Variants in FSTL5 observed in about 807,000 individuals in gnomAD.
The protein encoded by FSTL5 is follistatin-related protein 5.
Under a neutral mutation model 89.1 loss-of-function variants are expected in FSTL5, and 62 were observed. The observed-to-expected ratio is 0.70, with a 90% confidence interval of 0.57 to 0.86. FSTL5 has a LOEUF of 0.86. FSTL5 is among the 40% of genes least tolerant of loss of function. FSTL5 has a pLI of 0.00. For missense variants in FSTL5, 1,057 were observed against 1,001.6 expected, an observed-to-expected ratio of 1.06 and a Z score of -0.75; for synonymous variants, 383 against 346.2, an observed-to-expected ratio of 1.11 and a Z score of -1.18.
intron 6 of FSTL5, among the ~76,000 whole-genome samples, chr4:161,757,061 T>G (rs1740595250): frequency 6.6e-6 from 1 of 152,158 alleles, no homozygotes; most frequent in Non-Finnish European, 1.5e-5. Flanking sequence ...TACATTTTCA[T>G]AAAATTTCAG....
At chr4:161,813,282 G>A (rs1214851769) in intron 4 of FSTL5, among the ~76,000 whole-genome samples, 1 of 152,014 alleles carries the variant, frequency 6.6e-6, no homozygotes, top group Non-Finnish European at 1.5e-5. Flanking sequence ...GCCCGCCTTG[G>A]CCTCCCAAAG....
At chr4:162,125,883 G>A (rs1028385311) in intron 1 of FSTL5, among the ~76,000 whole-genome samples, 2 of 151,878 alleles carry the variant, frequency 1.3e-5, no homozygotes, top group Non-Finnish European at 2.9e-5. Flanking sequence ...GCCTGTGTGT[G>A]TTTACTGTTG....
At chr4:161,761,806 A>G (rs6813555) in intron 5 of FSTL5, among the ~76,000 whole-genome samples, 38,370 of 152,162 alleles carry the variant, frequency 0.25, 8,274 homozygotes, top group African/African-American at 0.59. Flanking sequence ...ATACTGAAGC[A>G]TATCCATGCA....
At chr4:162,144,572 G>T (rs567094141) in intron 1 of FSTL5, among the ~76,000 whole-genome samples, 199 of 152,230 alleles carry the variant, frequency 1.3e-3, no homozygotes, top group African/African-American at 4.6e-3. Context: ...TGTCAGGTCT[G>T]CATGATGACA....
intron 10 of FSTL5, among the ~76,000 whole-genome samples, chr4:161,531,662 A>G: frequency 6.6e-6 from 1 of 152,308 alleles, no homozygotes; most frequent in Non-Finnish European, 1.5e-5. Context: ...ATTTATTTAA[A>G]GTATCTTAAT....
intron 10 of FSTL5, among the ~76,000 whole-genome samples, chr4:161,518,919 T>C (rs1030924252): frequency 1.3e-5 from 2 of 152,190 alleles, no homozygotes; most frequent in Admixed American, 6.5e-5. Flanking sequence ...GAAGATCCAC[T>C]TCTTAAGGTG....
chr4:161,949,768 GT>G lies in FSTL5; in HGVS notation c.161-29117del, dbSNP rs34691219. ...TGTTTCTGATAAGTCCAAGCTAAAA[GT>G]TTTTTTTTTTAAATTAACATTTACA... On this transcript the variant is annotated intron_variant, in intron 3 of 15. Transcript: ENST00000306100. 2.9e-3 allele frequency among the ~76,000 whole-genome samples: 425 copies of G among 146,360 alleles called. 1 individual carries two copies. Among genetic ancestry groups the G allele is most frequent in the African/African-American group, 9.7e-3 (389 of 40,154 alleles).
At chr4:161,693,636 C>T (rs373113930) in intron 6 of FSTL5, among the ~76,000 whole-genome samples, 33 of 105,304 alleles carry the variant, frequency 3.1e-4, no homozygotes, top group East Asian at 6.1e-4. Flanking sequence ...TCTTGTAAAT[C>T]TTTTTTTTTT....
chr4:162,026,304 C>CTTTTTTTTTTTTTTTTTTTTTT lies in FSTL5; in HGVS notation c.160+7320_160+7321insAAAAAAAAAAAAAAAAAAAAAA, dbSNP rs397996028. On this transcript the variant is annotated intron_variant, in intron 3 of 15. Coordinates refer to ENST00000306100, the MANE Select transcript of FSTL5 (RefSeq NM_020116.5). ...TTTCAGGAGACAGCTTATGTATTTT[C>CTTTTTTTTTTTTTTTTTTTTTT]TTTTTTTTTTTTTTTCTTTTTGAGA... Among the ~76,000 whole-genome samples, 88 of 79,476 alleles carry CTTTTTTTTTTTTTTTTTTTTTT rather than the reference C, an allele frequency of 1.1e-3. 8 individuals are homozygous for CTTTTTTTTTTTTTTTTTTTTTT. Among genetic ancestry groups the CTTTTTTTTTTTTTTTTTTTTTT allele is most frequent in the Middle Eastern group, 0.015 (1 of 68 alleles). 52.1% of individuals were successfully genotyped at this position (79,476 alleles called of 152,430 possible). A position where few individuals can be genotyped will look rare whatever the true frequency, so the allele number is the denominator to read the frequency against.
At chr4:161,749,885 G>A (rs1740336220) in intron 6 of FSTL5, among the ~76,000 whole-genome samples, 1 of 151,858 alleles carries the variant, frequency 6.6e-6, no homozygotes, top group Non-Finnish European at 1.5e-5. Context: ...GGGAGTGAGA[G>A]TTGAAAAATT....
chr4:161,497,549 G>A (rs191618122), intron 12 of FSTL5, among the ~76,000 whole-genome samples: 2 of 152,084 alleles, frequency 1.3e-5, no homozygotes, highest in Admixed American at 1.3e-4. Flanking sequence ...TCTTAAAAAT[G>A]CAACAGGCTT....
chr4:161,567,839 C>T (rs1157656518), intron 8 of FSTL5, among the ~76,000 whole-genome samples: 1 of 152,040 alleles, frequency 6.6e-6, no homozygotes, highest in Non-Finnish European at 1.5e-5. Context: ...CTGTTTCTCC[C>T]TTCAACCCTT....
chr4:161,988,634 A>C (rs1452418023), intron 3 of FSTL5, among the ~76,000 whole-genome samples: 2 of 152,144 alleles, frequency 1.3e-5, no homozygotes, highest in African/African-American at 4.8e-5. Context: ...TATGATAAAA[A>C]TTGAAAATGT....
chr4:162,104,318 A>G (rs766505839), intron 2 of FSTL5, among the ~76,000 whole-genome samples: 28 of 152,112 alleles, frequency 1.8e-4, no homozygotes, highest in Non-Finnish European at 3.5e-4. Flanking sequence ...AACACTCACC[A>G]CATGGCCCAA....
chr4:161,862,549 A>G (rs1212699927), intron 4 of FSTL5, among the ~76,000 whole-genome samples: 1 of 152,082 alleles, frequency 6.6e-6, no homozygotes, highest in African/African-American at 2.4e-5. Flanking sequence ...CCCAGACAAC[A>G]TGGTGAAACC....
Position 161,731,598 on chromosome 4 carries a change from G to T in FSTL5, c.727+27813C>A, listed in dbSNP as rs111652912. Among the ~76,000 whole-genome samples, 226 of 152,044 alleles carry T rather than the reference G, an allele frequency of 1.5e-3. 1 individual carries two copies. The highest frequency in any genetic ancestry group is 4.2e-3 in the African/African-American group (175 of 41,466). ...TGCTTCCTGTACAGCCTGCAGAACC[G>T]TAAGTCAATTAAAACCTCTTTTCTT... On this transcript the variant is annotated intron_variant, in intron 6 of 15. Coordinates refer to ENST00000306100, the MANE Select transcript of FSTL5 (RefSeq NM_020116.5).
intron 6 of FSTL5, among the ~76,000 whole-genome samples, chr4:161,710,963 A>G (rs1002230865): frequency 6.6e-6 from 1 of 152,216 alleles, no homozygotes; most frequent in South Asian, 2.1e-4. Context: ...AGAAATCAAA[A>G]AAACATTTCT....
At chr4:161,929,244 C>T (rs1578868695) in intron 3 of FSTL5, among the ~76,000 whole-genome samples, 2 of 145,160 alleles carry the variant, frequency 1.4e-5, no homozygotes, top group South Asian at 2.1e-4. Context: ...ATTAGCTTTG[C>T]TTTTTTTTTT....
At chr4:161,893,413 T>C (rs1242235702) in intron 4 of FSTL5, among the ~76,000 whole-genome samples, 2 of 152,166 alleles carry the variant, frequency 1.3e-5, no homozygotes, top group East Asian at 3.9e-4. Context: ...TATTTTAAAC[T>C]TGTCATCTTA....
Sources: allele counts gnomAD v4.1 joint callset (sites outside exome capture counted in the v4.1 genomes callset), GRCh38; gene constraint gnomAD v4.1.1; transcripts MANE v1.5; gene names NCBI Gene and HGNC (gene_info 2026-07-23, HGNC 2026-07-21).